LCMT1: variants seen among roughly 807,000 people sequenced by gnomAD.
LCMT1 encodes leucine carboxyl methyltransferase 1, also known as [Phosphatase 2A protein]-leucine-carboxy methyltransferase 1.
A neutral mutation model predicts 47.7 loss-of-function variants in LCMT1; 32 were observed. That is an observed-to-expected ratio of 0.67 (90% CI 0.51 to 0.90). The LOEUF is 0.90. Among genes scored for constraint, LCMT1 ranks in the 40% least tolerant of loss-of-function variants. The probability of loss-of-function intolerance (pLI) is 0.00; values close to 1 mark genes in which losing one functional copy is unlikely to be tolerated. For synonymous variants in LCMT1, 152 were observed against 149.7 expected, an observed-to-expected ratio of 1.02 and a Z score of -0.11; for missense variants, 375 against 415.2, an observed-to-expected ratio of 0.90 and a Z score of 0.84.
intron 9 of LCMT1, among the ~76,000 whole-genome samples, chr16:25,171,284 C>G (rs1961759969): frequency 6.6e-6 from 1 of 151,906 alleles, no homozygotes; most frequent in Non-Finnish European, 1.5e-5. Flanking sequence ...TGTGGTGGCA[C>G]ACATCTGTAA....
intron 3 of LCMT1, among the ~76,000 whole-genome samples, chr16:25,134,983 T>C (rs1960461418): frequency 6.6e-6 from 1 of 152,210 alleles, no homozygotes; most frequent in Non-Finnish European, 1.5e-5. Context: ...GAATGTGCTA[T>C]GTCAGTGTTA....
At chr16:25,144,788 A>G (rs991671930) in intron 4 of LCMT1, 1 of 152,108 alleles carries the variant, frequency 6.6e-6, no homozygotes, top group African/African-American at 2.4e-5. Context: ...CTTCTGTGCA[A>G]CTGGATTTGT....
chr16:25,157,150 TTGTGTGTGTG>T (rs36066156), intron 5 of LCMT1, among the ~76,000 whole-genome samples: 1 of 149,860 alleles, frequency 6.7e-6, no homozygotes, highest in Non-Finnish European at 1.5e-5. Flanking sequence ...ACACCAGCAC[TTGTGTGTGTG>T]TGTGTGTGTG....
intron 5 of LCMT1, 56 bp from the exon 6 acceptor site, chr16:25,161,046 T>C: frequency 9.4e-7 from 1 of 1,068,262 alleles, no homozygotes. Flanking sequence ...ATAAGGCTAC[T>C]ATAACTTTGG....
At chr16:25,159,132 G>A (rs1961346005) in intron 5 of LCMT1, among the ~76,000 whole-genome samples, 1 of 152,200 alleles carries the variant, frequency 6.6e-6, no homozygotes, top group Non-Finnish European at 1.5e-5. Context: ...TAATATTCTG[G>A]TGTATTATTT....
In LCMT1 at chr16:25,111,773, G is replaced by A. The variant is rs1959613934; in HGVS notation, c.-111G>A. On this transcript the variant is annotated 5_prime_UTR_variant, in exon 1 of 11. Transcript: ENST00000399069. Reference sequence around the variant, plus strand: ...GAGCCGCGCCAGCTGAGCCAGGTAGGGCCCTACCCTCTTCTGTTGCTTTCT... The same window carrying A: ...GAGCCGCGCCAGCTGAGCCAGGTAGAGCCCTACCCTCTTCTGTTGCTTTCT... 1 of 723,144 alleles carries A rather than the reference G, an allele frequency of 1.4e-6. No individual in the cohort carries two copies. Among genetic ancestry groups the A allele is most frequent in the Admixed American group, 2.3e-5 (1 of 43,696 alleles). The allele number at this position is 723,144 out of a possible 1,614,324, so 44.8% of individuals were successfully genotyped here.
chr16:25,153,563 TTGCA>T (rs1330494349), intron 5 of LCMT1, among the ~76,000 whole-genome samples: 7 of 118,546 alleles, frequency 5.9e-5, no homozygotes, highest in Non-Finnish European at 1.2e-4. Context: ...TTCAACACTG[TTGCA>T]TGGGGGATTA....
intron 10 of LCMT1, among the ~76,000 whole-genome samples, chr16:25,175,386 G>A (rs1376204258): frequency 6.6e-6 from 1 of 151,966 alleles, no homozygotes; most frequent in African/African-American, 2.4e-5. Context: ...CACTTTGGGA[G>A]GCTGAGGTGG....
chr16:25,153,305 A>G (rs1263470784), intron 5 of LCMT1, among the ~76,000 whole-genome samples: 1 of 152,224 alleles, frequency 6.6e-6, no homozygotes, highest in East Asian at 1.9e-4. Flanking sequence ...TGGGTACTTT[A>G]TAAAAAGAAC....
rs556538870 is a variant in LCMT1 at position 25,117,774 on chromosome 16, C to G, written c.113+5778C>G. The stretch of plus-strand genomic sequence containing the variant: ...GGCTGAGATGGGAGAATCGCTTGAA[C>G]TGGGGAAGTAGAGGTTGCAGAGTAC... On this transcript the variant is annotated intron_variant, in intron 1 of 10. Transcript: ENST00000399069. Among the ~76,000 whole-genome samples, 12 of 151,712 alleles carry G rather than the reference C, an allele frequency of 7.9e-5. No individual in the cohort carries two copies. The East Asian group carries it at 1.2e-3, about 15-fold the overall frequency.
At position 25,151,588 on chromosome 16, in the gene LCMT1, C is replaced by G. The variant is rs368670161; in HGVS notation, c.439C>G (p.Leu147Val). The G allele has an allele frequency of 6.2e-7, 1 of 1,613,408 alleles. No homozygotes were observed. Among genetic ancestry groups the G allele is most frequent in the Admixed American group, 1.7e-5 (1 of 59,976 alleles). ...TCCCCTATCCAGCCCCATTCTAGAA[C>G]TGCATTCAGAGGACACACTTCAGAT... The part of the protein sequence containing the change: ...KPPLSSPILE[L>V]HSEDTLQMDG... The change falls in exon 5 of 11, where the codon CTG (leucine) becomes GTG (valine). Residue 147 changes from leucine (L) to valine (V), a missense_variant. Leu to Val is a conservative substitution (Grantham distance 32). Transcript: ENST00000399069.
intron 4 of LCMT1, chr16:25,140,945 A>C (rs1960668150): frequency 6.7e-6 from 1 of 150,142 alleles, no homozygotes; most frequent in African/African-American, 2.4e-5. Flanking sequence ...GAGAGATTTC[A>C]CCCTCTATTC....
At chr16:25,149,983 T>TATGA (rs1056876461) in intron 4 of LCMT1, among the ~76,000 whole-genome samples, 8 of 151,110 alleles carry the variant, frequency 5.3e-5, no homozygotes, top group African/African-American at 2.0e-4. Context: ...TTTTTGTGTA[T>TATGA]ATGAATGAAT....
Position 25,139,719 on chromosome 16 carries a change from A to G in LCMT1, c.328-452A>G, listed in dbSNP as rs1433033793. 2.6e-5 allele frequency among the ~76,000 whole-genome samples: 4 copies of G among 152,048 alleles called. No individual in the cohort carries two copies. The South Asian group carries it at 6.2e-4, about 24-fold the overall frequency. On this transcript the variant is annotated intron_variant, in intron 3 of 10. Transcript: ENST00000399069. ...TAAACTTTTTAATTTTTTTGCATGG[A>G]CAGGGTCTCGCTGTGTTGCCCAGGA...
At chr16:25,125,514 C>G (rs1960139445) in intron 1 of LCMT1, among the ~76,000 whole-genome samples, 1 of 152,128 alleles carries the variant, frequency 6.6e-6, no homozygotes, top group Non-Finnish European at 1.5e-5. Context: ...TTCCCTATCC[C>G]TCTCCAAAGC....
At chr16:25,134,078 G>A (rs1410025635) in intron 3 of LCMT1, among the ~76,000 whole-genome samples, 4 of 124,892 alleles carry the variant, frequency 3.2e-5, no homozygotes, top group Non-Finnish European at 6.8e-5. Flanking sequence ...TTTTTTTTTT[G>A]TAGGTTTGTA....
At chr16:25,157,540 C>CA (rs34782085) in intron 5 of LCMT1, among the ~76,000 whole-genome samples, 16 of 150,638 alleles carry the variant, frequency 1.1e-4, no homozygotes, top group African/African-American at 3.4e-4. Flanking sequence ...AACGCTGTCT[C>CA]AAAAAAAACC....
chr16:25,148,549 G>A (rs1055338436), intron 4 of LCMT1, among the ~76,000 whole-genome samples: 5 of 152,164 alleles, frequency 3.3e-5, no homozygotes, highest in Non-Finnish European at 7.3e-5. Flanking sequence ...GTCCTGCACG[G>A]GTGTCTGTTC....
At chr16:25,174,875 G>A in intron 9 of LCMT1, 62 bp from the exon 10 acceptor site, 1 of 774,546 alleles carries the variant, frequency 1.3e-6, no homozygotes, top group Non-Finnish European at 2.0e-6. Flanking sequence ...CCGTAGCTAT[G>A]GGCCATGATC....
Sources: gnomAD v4.1 joint callset for allele counts (sites outside exome capture counted in the v4.1 genomes callset) on GRCh38, gnomAD v4.1.1 for gene constraint, MANE v1.5 for transcripts, NCBI Gene and HGNC (gene_info 2026-07-23, HGNC 2026-07-21) for gene names.